The following GPHN variants were observed in gnomAD, a reference collection of about 807,000 sequenced individuals.
GPHN encodes the protein gephyrin.
Under a neutral mutation model 95.5 loss-of-function variants are expected in GPHN, and 17 were observed. The ratio of observed to expected loss-of-function variants is 0.18; its 90% confidence interval spans 0.12 to 0.27. The LOEUF (loss-of-function observed/expected upper bound fraction) is 0.27, where lower values mean the gene tolerates loss of function less well. Among genes scored for constraint, GPHN ranks in the 10% least tolerant of loss-of-function variants. The pLI is 1.00. For synonymous variants in GPHN, 320 were observed against 322.5 expected (o/e 0.99, Z 0.08); for missense variants, 660 against 978.1 (o/e 0.67, Z 4.34).
At chr14:66,577,303 G>A (rs1410739086) in intron 1 of GPHN, among the ~76,000 whole-genome samples, 5 of 152,238 alleles carry the variant, frequency 3.3e-5, no homozygotes, top group Non-Finnish European at 7.4e-5. Context: ...TTCAGGGTGA[G>A]GACACTAAAA....
chr14:67,259,847 G>C, the GPHN span, among the ~76,000 whole-genome samples: 1 of 150,276 alleles, frequency 6.7e-6, no homozygotes, highest in African/African-American at 2.5e-5. Flanking sequence ...AGGAGTTTGA[G>C]GCTGCAGTGA....
intron 4 of GPHN, among the ~76,000 whole-genome samples, chr14:66,842,129 A>G (rs1474254834): frequency 6.8e-6 from 1 of 147,786 alleles, no homozygotes; most frequent in African/African-American, 2.5e-5. Context: ...CTTCAGTAGG[A>G]AAATCTGGGC....
At chr14:66,955,078 C>A (rs111851810) in intron 8 of GPHN, among the ~76,000 whole-genome samples, 78 of 152,014 alleles carry the variant, frequency 5.1e-4, no homozygotes, top group African/African-American at 1.6e-3. Flanking sequence ...TTTTTTTGTT[C>A]TTATGATGTC....
At chr14:66,846,105 C>G (rs1344807707) in intron 4 of GPHN, among the ~76,000 whole-genome samples, 1 of 152,090 alleles carries the variant, frequency 6.6e-6, no homozygotes, top group African/African-American at 2.4e-5. Context: ...GGAAAGAAGA[C>G]TTTCAATCTG....
At chr14:66,727,982 G>A (rs546347846) in intron 2 of GPHN, among the ~76,000 whole-genome samples, 5 of 152,070 alleles carry the variant, frequency 3.3e-5, no homozygotes, top group East Asian at 3.9e-4. Context: ...ATGGTTTCAC[G>A]GGCTAGGCCC....
At chr14:67,316,739 G>T in the GPHN span, 1 of 917,704 alleles carries the variant, frequency 1.1e-6, no homozygotes, top group Non-Finnish European at 1.6e-6. Context: ...TAAGTGAAGA[G>T]ATATGTCTAG....
At chr14:67,177,876 T>G (rs1189385695) in intron 21 of GPHN, among the ~76,000 whole-genome samples, 1 of 152,192 alleles carries the variant, frequency 6.6e-6, no homozygotes, top group East Asian at 1.9e-4. Context: ...TATCAGAGAC[T>G]AGGATTGCAA....
chr14:66,668,716 T>TA (rs1452092933), intron 1 of GPHN, among the ~76,000 whole-genome samples: 1 of 152,022 alleles, frequency 6.6e-6, no homozygotes, highest in African/African-American at 2.4e-5. Flanking sequence ...AAATAATTGT[T>TA]ACAACAAACC....
intron 19 of GPHN, among the ~76,000 whole-genome samples, chr14:67,161,487 T>C (rs2081978036): frequency 6.6e-6 from 1 of 151,738 alleles, no homozygotes. Flanking sequence ...TTGGGCCGAG[T>C]GCAGTGGCTC....
At chr14:66,843,650 T>C (rs1305429097) in intron 4 of GPHN, among the ~76,000 whole-genome samples, 2 of 152,244 alleles carry the variant, frequency 1.3e-5, no homozygotes, top group African/African-American at 4.8e-5. Flanking sequence ...CTTGTAACCC[T>C]GATCATATTT....
At chr14:67,240,578 CA>C in the GPHN span, among the ~76,000 whole-genome samples, 1 of 152,192 alleles carries the variant, frequency 6.6e-6, no homozygotes, top group African/African-American at 2.4e-5. Context: ...ACTGTCAAGA[CA>C]GAGACCATCC....
the GPHN span, chr14:67,270,340 G>A: frequency 6.6e-6 from 1 of 152,218 alleles, no homozygotes; most frequent in Non-Finnish European, 1.5e-5. Flanking sequence ...ACTATGTAAA[G>A]ATTTTTGTAT....
chr14:66,645,542 G>T (rs1017103231), intron 1 of GPHN, among the ~76,000 whole-genome samples: 1 of 151,642 alleles, frequency 6.6e-6, no homozygotes, highest in Non-Finnish European at 1.5e-5. Context: ...AATACAAAAA[G>T]TTAGCCAGCC....
chr14:67,224,945 TA>T, the GPHN span: 1 of 565,704 alleles, frequency 1.8e-6, no homozygotes, highest in Admixed American at 3.8e-5. Context: ...TTGCAAAGAA[TA>T]AATACATTTT....
At chr14:67,562,598 G>A in the GPHN span, 2 of 1,612,854 alleles carry the variant, frequency 1.2e-6, no homozygotes, top group South Asian at 1.1e-5. Context: ...CACCCCGCGG[G>A]ACAGCATCCA....
intron 1 of GPHN, among the ~76,000 whole-genome samples, chr14:66,667,972 A>T (rs2066067212): frequency 6.6e-6 from 1 of 152,214 alleles, no homozygotes; most frequent in African/African-American, 2.4e-5. Context: ...AGACATGTGC[A>T]AAGGACGTGG....
At chr14:67,069,454 A>G (rs2076194960) in intron 11 of GPHN, among the ~76,000 whole-genome samples, 1 of 152,236 alleles carries the variant, frequency 6.6e-6, no homozygotes, top group Non-Finnish European at 1.5e-5. Context: ...TCAGGCAGCT[A>G]ACTAGCTGGA....
At position 67,144,250 on chromosome 14, in the gene GPHN, A is replaced by AT. The variant is rs1555502004; in HGVS notation, c.1836+801_1836+802insT. Among the ~76,000 whole-genome samples the AT allele has an allele frequency of 9.0e-3, 520 of 57,558 alleles. 3 individuals are homozygous for AT. The highest frequency in any genetic ancestry group is 0.011 in the South Asian group (14 of 1,328). The allele number at this position is 57,558 out of a possible 152,430, so 37.8% of individuals were successfully genotyped here. On this transcript the variant is annotated intron_variant, in intron 18 of 22. Transcript: ENST00000478722. Reference sequence around the variant, plus strand: ...AGACCCTGTCTTAAAAAAAAAAAAAAATATATATATATATATATATATATA... The same window carrying AT: ...AGACCCTGTCTTAAAAAAAAAAAAAATATATATATATATATATATATATATA...
the GPHN span, among the ~76,000 whole-genome samples, chr14:67,540,470 A>G: frequency 6.6e-6 from 1 of 152,044 alleles, no homozygotes; most frequent in Non-Finnish European, 1.5e-5. Context: ...TACTAAAAAT[A>G]CAAAAAATTA....
Sources: gnomAD v4.1 joint callset for allele counts (sites outside exome capture counted in the v4.1 genomes callset) on GRCh38, gnomAD v4.1.1 for gene constraint, MANE v1.5 for transcripts, NCBI Gene and HGNC (gene_info 2026-07-23, HGNC 2026-07-21) for gene names.